Variants in ADAMTS9 observed in about 807,000 individuals in gnomAD.
ADAMTS9 encodes the protein A disintegrin and metalloproteinase with thrombospondin motifs 9.
A neutral mutation model predicts 257.1 loss-of-function variants in ADAMTS9; 107 were observed. That is an observed-to-expected ratio of 0.42 (90% CI 0.36 to 0.49). The LOEUF is 0.49. Ranked by LOEUF, ADAMTS9 falls within the 20% of genes least tolerant of loss-of-function variation. The probability of loss-of-function intolerance (pLI) is 0.03; values close to 1 mark genes in which losing one functional copy is unlikely to be tolerated. For missense variants in ADAMTS9, 2,353 were observed against 2,469.1 expected (o/e 0.95, Z 1.00); for synonymous variants, 982 against 880.9 (o/e 1.11, Z -2.03).
At chr3:64,576,941 C>T in intron 28 of ADAMTS9, among the ~76,000 whole-genome samples, 1 of 152,152 alleles carries the variant, frequency 6.6e-6, no homozygotes, top group East Asian at 1.9e-4. Context: ...CCACTCCCAC[C>T]CCAACGCCCC....
intron 36 of ADAMTS9, among the ~76,000 whole-genome samples, chr3:64,540,865 G>C (rs1417859284): frequency 6.6e-6 from 1 of 152,190 alleles, no homozygotes. Flanking sequence ...CCTTGTGCGA[G>C]CCACTTTCCA....
intron 28 of ADAMTS9, among the ~76,000 whole-genome samples, chr3:64,575,602 A>C (rs2083821028): frequency 6.6e-6 from 1 of 152,102 alleles, no homozygotes; most frequent in Non-Finnish European, 1.5e-5. Context: ...GCTTGTCTTC[A>C]TTTTGCTTTA....
At chr3:64,666,403 G>A (rs191200651) in intron 3 of ADAMTS9, among the ~76,000 whole-genome samples, 74 of 152,326 alleles carry the variant, frequency 4.9e-4, no homozygotes, top group Non-Finnish European at 8.1e-4. Context: ...GGGCTACCTT[G>A]TGACTTCACA....
chr3:64,687,299 G>C lies in ADAMTS9; in HGVS notation c.115+244C>G, dbSNP rs977724037. 6.6e-6 allele frequency among the ~76,000 whole-genome samples: 1 copy of C among 152,196 alleles called. No individual in the cohort carries two copies. Among genetic ancestry groups the C allele is most frequent in the African/African-American group, 2.4e-5 (1 of 41,442 alleles). ...TAAGTTACTTTAGTTTGCGGCGTGG[G>C]AGTGGGGATGGGGATATATCTGGCA... On this transcript the variant is annotated intron_variant, in intron 1 of 39. Coordinates refer to ENST00000498707, the MANE Select transcript of ADAMTS9 (RefSeq NM_182920.2). The surrounding 1 kb of genome is among the most constrained non-coding windows in gnomAD (Gnocchi z 4.4).
In ADAMTS9 at chr3:64,687,054, A is replaced by T; in HGVS notation, c.116-86T>A. On this transcript the variant is annotated intron_variant, in intron 1 of 39. Transcript: ENST00000498707. The surrounding 1 kb of genome is among the most constrained non-coding windows in gnomAD (Gnocchi z 4.4). ...AAACGAAGGTGGGGACTTTGTTCTG[A>T]CCTTATTTTCCAGCCCATTCGAGTC... 1 of 1,483,610 alleles carries T rather than the reference A, an allele frequency of 6.7e-7. No individual in the cohort carries two copies. The highest frequency in any genetic ancestry group is 1.4e-5 in the African/African-American group (1 of 71,124). 91.9% of individuals were successfully genotyped at this position (1,483,610 alleles called of 1,614,324 possible). A position where few individuals can be genotyped will look rare whatever the true frequency, so the allele number is the denominator to read the frequency against.
intron 38 of ADAMTS9, among the ~76,000 whole-genome samples, chr3:64,529,187 C>T (rs1014676747): frequency 1.3e-5 from 2 of 152,214 alleles, no homozygotes; most frequent in Admixed American, 6.5e-5. Context: ...CTATTTTAAC[C>T]ATAATTAGGT....
chr3:64,650,783 C>T, intron 9 of ADAMTS9: 2 of 447,858 alleles, frequency 4.5e-6, no homozygotes, highest in South Asian at 7.4e-5. Flanking sequence ...TCCACATCCT[C>T]TTTAAGACTC....
chr3:64,575,197 G>C (rs1252185971), intron 28 of ADAMTS9, among the ~76,000 whole-genome samples: 1 of 152,070 alleles, frequency 6.6e-6, no homozygotes, highest in Non-Finnish European at 1.5e-5. Flanking sequence ...GTAAATTTTG[G>C]CCCCCTGGCA....
At position 64,602,074 on chromosome 3, in the gene ADAMTS9, G is replaced by A. The variant is rs1425627532; in HGVS notation, c.3887C>T (p.Pro1296Leu). 10 of 1,613,980 alleles carry A rather than the reference G, an allele frequency of 6.2e-6. No individual in the cohort carries two copies. The highest frequency in any genetic ancestry group is 8.5e-6 in the Non-Finnish European group (10 of 1,179,992). ...TDQDCSMSPC[P>L]QRTPDSGLAQ... ...TAAGCCACTGTCTGGGGTCCTTTGA[G>A]GGCATGGTGACATGGAACAGTCCTG... Residue 1296 changes from proline to leucine, a missense_variant, in exon 26 of 40, where the codon CCT (proline) becomes CTT (leucine). By Grantham distance (98) the Pro-to-Leu change is moderately conservative. This residue lies in a region of ADAMTS9 where 1,402 missense variants were observed against 1,441.4 expected (regional missense o/e 0.97). Transcript: ENST00000498707.
chr3:64,529,457 G>A (rs1285231883), intron 38 of ADAMTS9, among the ~76,000 whole-genome samples: 1 of 151,970 alleles, frequency 6.6e-6, no homozygotes, highest in Non-Finnish European at 1.5e-5. Context: ...TGGCAGAAAA[G>A]CAAAAGAAAG....
chr3:64,582,528 A>G (rs1226119022), intron 28 of ADAMTS9: 1 of 152,230 alleles, frequency 6.6e-6, no homozygotes, highest in Non-Finnish European at 1.5e-5. Flanking sequence ...GAATATGGAA[A>G]GAGAAATTCT....
chr3:64,549,718 C>G (rs1251307073), intron 31 of ADAMTS9, among the ~76,000 whole-genome samples: 1 of 152,170 alleles, frequency 6.6e-6, no homozygotes, highest in African/African-American at 2.4e-5. Context: ...AGCCCCATCC[C>G]TGGCCTCCAC....
chr3:64,686,803 G>A lies in ADAMTS9; in HGVS notation c.281C>T (p.Thr94Ile), dbSNP rs1701923633. 6 of 1,614,084 alleles carry A rather than the reference G, an allele frequency of 3.7e-6. No homozygotes were observed. Among genetic ancestry groups the A allele is most frequent in the East Asian group, 4.5e-5 (2 of 44,864 alleles). Residue 94 changes from threonine (T) to isoleucine (I), a missense_variant, in exon 2 of 40, where the codon ACC (threonine) becomes ATC (isoleucine). Around this residue, in one of 3 missense-constraint regions of ADAMTS9, gnomAD observed 591 missense variants for 569.6 expected, o/e 1.04. Transcript: ENST00000498707. This position sits in a 1 kb window ranked among gnomAD's most constrained non-coding sequence, Gnocchi z 4.6. ...PAFASSSSSS[T>I]SSQAHYRLSA... The stretch of plus-strand genomic sequence containing the variant: ...GAGGCGGTAATGCGCCTGGGAGGAG[G>A]TAGAGGAGGAAGAGGAGGAGGCGAA...
chr3:64,543,857 A>G (rs1363411014), intron 32 of ADAMTS9, among the ~76,000 whole-genome samples: 1 of 152,246 alleles, frequency 6.6e-6, no homozygotes, highest in African/African-American at 2.4e-5. Context: ...ATGATTGTAT[A>G]TTTAGAAAAC....
At chr3:64,610,018 A>G (rs1435259732) in intron 22 of ADAMTS9, among the ~76,000 whole-genome samples, 3 of 152,220 alleles carry the variant, frequency 2.0e-5, no homozygotes, top group African/African-American at 7.2e-5. Context: ...CAATGGAGAG[A>G]GAACAGCCTC....
chr3:64,677,062 G>A (rs1379024235), intron 3 of ADAMTS9, among the ~76,000 whole-genome samples: 1 of 152,164 alleles, frequency 6.6e-6, no homozygotes, highest in Non-Finnish European at 1.5e-5. Context: ...CTGGAAACAA[G>A]CAATGGGAAG....
At chr3:64,646,801 A>C (rs914580239) in intron 11 of ADAMTS9, among the ~76,000 whole-genome samples, 1 of 152,140 alleles carries the variant, frequency 6.6e-6, no homozygotes, top group Non-Finnish European at 1.5e-5. Flanking sequence ...AGTTAGGGCC[A>C]CTCCAGTAGG....
At chr3:64,669,190 G>A (rs1164106052) in intron 3 of ADAMTS9, among the ~76,000 whole-genome samples, 5 of 152,122 alleles carry the variant, frequency 3.3e-5, no homozygotes, top group Admixed American at 1.3e-4. Flanking sequence ...CTCAACTCTC[G>A]ATATGACAAC....
intron 2 of ADAMTS9, among the ~76,000 whole-genome samples, chr3:64,681,864 C>T (rs1429063919): frequency 6.6e-6 from 1 of 152,162 alleles, no homozygotes; most frequent in East Asian, 1.9e-4. Flanking sequence ...CTAAGAAATA[C>T]TTCCTTAGAG....
Sources: allele counts gnomAD v4.1 joint callset (sites outside exome capture counted in the v4.1 genomes callset), GRCh38; gene constraint gnomAD v4.1.1; regional missense constraint gnomAD v4.1.1; non-coding constraint Gnocchi (gnomAD v3.1); transcripts MANE v1.5; gene names NCBI Gene and HGNC (gene_info 2026-07-23, HGNC 2026-07-21).